Variants in ZNF600 observed in about 807,000 individuals in gnomAD.
ZNF600 encodes the protein zinc finger protein KR-ZNF1.
A neutral mutation model predicts 7.3 loss-of-function variants in ZNF600; 4 were observed. The ratio of observed to expected loss-of-function variants is 0.55; its 90% CI spans 0.27 to 1.25. The LOEUF is 1.25. ZNF600 is among the 50% of genes most tolerant of loss of function. The pLI, the probability that ZNF600 is intolerant of heterozygous loss-of-function variation, is 0.12. For missense variants in ZNF600, 911 were observed against 922.1 expected, an observed-to-expected ratio of 0.99 and a Z score of 0.16; for synonymous variants, 290 against 308.9, an observed-to-expected ratio of 0.94 and a Z score of 0.64.
the ZNF600 span, chr19:52,808,209 A>T: frequency 6.3e-7 from 1 of 1,587,112 alleles, no homozygotes; most frequent in South Asian, 1.2e-5. Context: ...AGAGAGGGGG[A>T]AAGCATGGAT....
the ZNF600 span, among the ~76,000 whole-genome samples, chr19:52,816,852 T>TAGGTGG: frequency 6.8e-6 from 1 of 147,362 alleles, no homozygotes. Context: ...ATAATAATAA[T>TAGGTGG]AATAATAATA....
At chr19:52,831,582 A>C in the ZNF600 span, among the ~76,000 whole-genome samples, 1 of 151,628 alleles carries the variant, frequency 6.6e-6, no homozygotes, top group Non-Finnish European at 1.5e-5. Context: ...GGCTCACTGC[A>C]AGCTCCACCT....
rs534798419 is a variant in ZNF600 at position 52,783,695 on chromosome 19, C to T, written c.-20+2900G>A. Among the ~76,000 whole-genome samples the T allele has an allele frequency of 9.2e-5, 14 of 152,142 alleles. No homozygotes were observed. In the South Asian group the frequency reaches 2.7e-3, roughly 29 times the overall value. ...CATTCTATACATAGCTCTTTCTCAC[C>T]TTCTCTCTCCATCTGTTTCTTTTCT... On this transcript the variant is annotated intron_variant, in intron 1 of 3. Transcript: ENST00000648973.
chr19:52,778,991 C>G, intron 1 of ZNF600, 84 bp from the exon 4 acceptor site: 1 of 1,305,132 alleles, frequency 7.7e-7, no homozygotes, highest in South Asian at 1.6e-5. Context: ...GGGGAGACCT[C>G]ACCCAGCAGA....
At position 52,776,463 on chromosome 19, in the gene ZNF600, G is replaced by A. The variant is rs529790940; in HGVS notation, c.64-1762C>T. On this transcript the variant is annotated intron_variant, in intron 2 of 3. Coordinates refer to ENST00000648973, the Ensembl canonical transcript of ZNF600. Reference sequence around the variant, plus strand: ...GTCTCACTCTATTGCACAGGCTAGAGTGCAGTGGCAGAATCTCAGCTCACT... The same window carrying A: ...GTCTCACTCTATTGCACAGGCTAGAATGCAGTGGCAGAATCTCAGCTCACT... 1.4e-3 allele frequency among the ~76,000 whole-genome samples: 212 copies of A among 151,370 alleles called. 1 individual carries two copies. The highest frequency in any genetic ancestry group is 4.7e-3 in the African/African-American group (194 of 41,184).
chr19:52,812,817 T>C, the ZNF600 span, among the ~76,000 whole-genome samples: 2 of 142,206 alleles, frequency 1.4e-5, no homozygotes, highest in Non-Finnish European at 3.1e-5. Flanking sequence ...GAGAGTGGCA[T>C]GCTTGGATGA....
the ZNF600 span, among the ~76,000 whole-genome samples, chr19:52,804,851 A>C: frequency 6.6e-6 from 1 of 152,196 alleles, no homozygotes; most frequent in African/African-American, 2.4e-5. Flanking sequence ...GAGACAGGAG[A>C]AAGAGCATCT....
the ZNF600 span, among the ~76,000 whole-genome samples, chr19:52,822,094 T>TTTTTTGG: frequency 6.9e-6 from 1 of 144,232 alleles, no homozygotes; most frequent in Non-Finnish European, 1.5e-5. Flanking sequence ...TTTTTTTTTT[T>TTTTTTGG]GAGGCTATTT....
the ZNF600 span, chr19:52,805,694 A>G: frequency 1.5e-5 from 2 of 133,656 alleles, no homozygotes; most frequent in East Asian, 3.9e-4. Flanking sequence ...GGTAGTAAAA[A>G]CAGATAGGCC....
At chr19:52,826,322 G>A in the ZNF600 span, among the ~76,000 whole-genome samples, 4 of 152,136 alleles carry the variant, frequency 2.6e-5, no homozygotes, top group African/African-American at 9.7e-5. Flanking sequence ...TGTAATCCCA[G>A]CATTTTGGGA....
chr19:52,804,416 T>C, the ZNF600 span, among the ~76,000 whole-genome samples: 108 of 152,280 alleles, frequency 7.1e-4, no homozygotes, highest in African/African-American at 2.5e-3. Flanking sequence ...TGTCTCCCGG[T>C]CTGGAGTAGA....
intron 1 of ZNF600, chr19:52,781,025 G>A (rs1362052337): frequency 6.6e-6 from 1 of 152,288 alleles, no homozygotes; most frequent in East Asian, 1.9e-4. Context: ...GAGACAACTG[G>A]ACACAGGATT....
At chr19:52,817,216 T>C in the ZNF600 span, among the ~76,000 whole-genome samples, 1 of 151,796 alleles carries the variant, frequency 6.6e-6, no homozygotes, top group Non-Finnish European at 1.5e-5. Flanking sequence ...CTACTAAAAA[T>C]ACAAAATTAG....
chr19:52,773,667 G>A (rs564228485), intron 3 of ZNF600, among the ~76,000 whole-genome samples: 13 of 152,056 alleles, frequency 8.5e-5, no homozygotes, highest in African/African-American at 2.9e-4. Flanking sequence ...TCAGGAGTTC[G>A]AGACCAGCCA....
chr19:52,767,182 A>T, exon 4 of ZNF600: 2 of 1,614,170 alleles, frequency 1.2e-6, no homozygotes, highest in Non-Finnish European at 1.7e-6. Flanking sequence ...CATACATCAC[A>T]TTTATATTGT....
At chr19:52,831,117 T>A in the ZNF600 span, among the ~76,000 whole-genome samples, 1 of 152,130 alleles carries the variant, frequency 6.6e-6, no homozygotes, top group African/African-American at 2.4e-5. Context: ...ACAATATGCC[T>A]TGTATAGATT....
At chr19:52,810,134 G>C in the ZNF600 span, 13 of 873,168 alleles carry the variant, frequency 1.5e-5, no homozygotes, top group Admixed American at 5.4e-5. Context: ...GACTGGTCGA[G>C]GGTGACCCGG....
At chr19:52,830,933 A>G in the ZNF600 span, among the ~76,000 whole-genome samples, 1 of 141,946 alleles carries the variant, frequency 7.0e-6, no homozygotes, top group Non-Finnish European at 1.5e-5. Flanking sequence ...AAGTGGAACT[A>G]ATTTAGCAAA....
chr19:52,815,562 C>A, the ZNF600 span, among the ~76,000 whole-genome samples: 5 of 146,412 alleles, frequency 3.4e-5, no homozygotes, highest in South Asian at 1.1e-3. Context: ...TGGTGGCTCA[C>A]GCCTGTAATC....
Sources: allele counts gnomAD v4.1 joint callset (sites outside exome capture counted in the v4.1 genomes callset), GRCh38; gene constraint gnomAD v4.1.1; transcripts MANE v1.5; gene names NCBI Gene and HGNC (gene_info 2026-07-23, HGNC 2026-07-21).